MUC5B: variants seen among roughly 807,000 people sequenced by gnomAD.
MUC5B encodes mucin 5B, oligomeric mucus/gel-forming.
A neutral mutation model predicts 376.9 loss-of-function variants in MUC5B; 116 were observed. The ratio of observed to expected loss-of-function variants is 0.31; its 90% CI spans 0.26 to 0.36. The LOEUF (loss-of-function observed/expected upper bound fraction) is 0.36. MUC5B is among the 10% of genes least tolerant of loss of function. The probability of loss-of-function intolerance (pLI) is 1.00; values close to 1 mark genes in which losing one functional copy is unlikely to be tolerated. For missense variants in MUC5B, 7,165 were observed against 7,769.9 expected (o/e 0.92, Z 2.93); for synonymous variants, 3,517 against 3,390.9 (o/e 1.04, Z -1.29).
Position 1,232,689 on chromosome 11 carries a change from C to T in MUC5B, c.1984C>T (p.Leu662=), listed in dbSNP as rs1358506016. The T allele has an allele frequency of 6.3e-6, 10 of 1,599,726 alleles. No individual in the cohort carries two copies. The highest frequency in any genetic ancestry group is 8.5e-6 in the Non-Finnish European group (10 of 1,174,090). ...CAACTGTGAGCGGAGCGAGGACTGC[C>T]TGTGCGCCGCGCTGTCCTCCTATGT... ...TCNCERSEDC[L]CAALSSYVHA... is the part of the protein sequence containing the mutation. The change falls in exon 17 of 49, where the codon CTG becomes TTG. Residue 662 remains leucine (L), a synonymous_variant. Coordinates refer to ENST00000529681, the MANE Select transcript of MUC5B (RefSeq NM_002458.3).
intron 1 of MUC5B, among the ~76,000 whole-genome samples, chr11:1,223,828 G>A (rs1293111757): frequency 6.6e-6 from 1 of 152,242 alleles, no homozygotes; most frequent in African/African-American, 2.4e-5. Context: ...AATACTTACT[G>A]TCAATAGAGA....
At chr11:1,230,410 T>C (rs1040293940) in intron 11 of MUC5B, 80 bp from the exon 12 acceptor site, 41 of 1,343,728 alleles carry the variant, frequency 3.1e-5, no homozygotes, top group Non-Finnish European at 4.1e-5. Flanking sequence ...ATCCCCCACA[T>C]GGGCATCCCC....
At chr11:1,231,857 T>G in intron 14 of MUC5B, 139 bp from the exon 15 acceptor site, 1 of 1,242,592 alleles carries the variant, frequency 8.0e-7, no homozygotes, top group South Asian at 1.5e-5. Flanking sequence ...AGGGCTTATC[T>G]GCAGAGGGTT....
Position 1,247,588 on chromosome 11 carries a change from G to C in MUC5B, c.10708G>C (p.Gly3570Arg). 1 of 1,610,790 alleles carries C rather than the reference G, an allele frequency of 6.2e-7. No individual in the cohort carries two copies. Among genetic ancestry groups the C allele is most frequent in the South Asian group, 1.1e-5 (1 of 90,938 alleles). Residue 3570 changes from glycine to arginine, a missense_variant, in exon 31 of 49, where the codon GGC becomes CGC. Coordinates refer to ENST00000529681, the MANE Select transcript of MUC5B (RefSeq NM_002458.3). Reference protein sequence around the residue: ...SAPITTVVTTGCEPQCAWSEW... With the variant: ...SAPITTVVTTRCEPQCAWSEW... ...CCCCATAACCACGGTGGTGACCACG[G>C]GCTGTGAGCCCCAGTGTGCCTGGTC...
At position 1,242,770 on chromosome 11, in the gene MUC5B, G is replaced by C; in HGVS notation, c.5890G>C (p.Ala1964Pro). Residue 1964 changes from alanine (A) to proline (P), a missense_variant, in exon 31 of 49, where the codon GCC (alanine) becomes CCC (proline). By Grantham distance (27) the Ala-to-Pro change is conservative. Transcript: ENST00000529681. Reference protein sequence around the residue: ...TPSSSPGTATALPALRSTATT... With the variant: ...TPSSSPGTATPLPALRSTATT... ...CTCCTCCAGTCCAGGGACTGCAACC[G>C]CCCTTCCAGCACTGAGAAGCACAGC... 6.2e-7 allele frequency: 1 copy of C among 1,603,998 alleles called. No homozygotes were observed. The highest frequency in any genetic ancestry group is 1.1e-5 in the South Asian group (1 of 90,608).
rs555321501 is a variant in MUC5B, at chr11:1,249,590, C to T, written c.12710C>T (p.Thr4237Met). 64 of 1,612,014 alleles carry T rather than the reference C, an allele frequency of 4.0e-5. 2 individuals are homozygous for T. Among genetic ancestry groups the T allele is most frequent in the Middle Eastern group, 3.3e-4 (2 of 6,052 alleles). Residue 4237 changes from threonine (T) to methionine (M), a missense_variant, in exon 31 of 49, where the codon ACG becomes ATG. Physicochemically the swap from Thr to Met is moderately conservative, Grantham distance 81. Transcript: ENST00000529681. ...HCPSTPATSS[T>M]AMPSSTPGTT... ...CCCAGCACCCCGGCCACCAGCTCTA[C>T]GGCCATGCCCTCCTCCACTCCGGGG...
chr11:1,229,420 G>C, intron 9 of MUC5B, 125 bp downstream of exon 9: 2 of 1,201,584 alleles, frequency 1.7e-6, no homozygotes, highest in Non-Finnish European at 2.3e-6. Flanking sequence ...GAGGGCCCAG[G>C]GTGGGAAGGG....
At chr11:1,231,273 G>A (rs1001313535) in intron 13 of MUC5B, 150 bp from the exon 14 acceptor site, 1 of 1,023,404 alleles carries the variant, frequency 9.8e-7, no homozygotes, top group African/African-American at 1.6e-5. Flanking sequence ...CCACAGGCAT[G>A]GGACAGGGAG....
chr11:1,258,949 C>T lies in MUC5B; in HGVS notation c.16601C>T (p.Ala5534Val), dbSNP rs1251841709. 6.4e-7 allele frequency: 1 copy of T among 1,551,260 alleles called. No individual in the cohort carries two copies. Among genetic ancestry groups the T allele is most frequent in the Non-Finnish European group, 8.7e-7 (1 of 1,147,648 alleles). The change falls in exon 44 of 49, where the codon GCA (alanine) becomes GTA (valine). Residue 5534 changes from alanine to valine, a missense_variant. Around this residue, in one of 31 missense-constraint regions of MUC5B, gnomAD observed 842 missense variants for 1,016.9 expected, o/e 0.83. Transcript: ENST00000529681. The surrounding 1 kb of genome is among the most constrained non-coding windows in gnomAD (Gnocchi z 5.5). ...SYNGTFYGVG[A>V]TFPGALPCHM... Reference sequence around the variant, plus strand: ...CCCTCCCACCCCTTGCAGGTTGGTGCAACCTTCCCAGGCGCCCTTCCCTGC... The same window carrying T: ...CCCTCCCACCCCTTGCAGGTTGGTGTAACCTTCCCAGGCGCCCTTCCCTGC...
In MUC5B at chr11:1,229,328, G is replaced by T. The variant is rs772211075; in HGVS notation, c.1102+33G>T. The T allele has an allele frequency of 2.2e-5, 34 of 1,511,580 alleles. No homozygotes were observed. The African/African-American group carries it at 4.3e-4, about 19-fold the overall frequency. The allele number at this position is 1,511,580 out of a possible 1,614,324, so 93.6% of individuals were successfully genotyped here. A position where few individuals can be genotyped will look rare whatever the true frequency, so the allele number is the denominator to read the frequency against. The stretch of plus-strand genomic sequence containing the variant: ...TTGTGTGCCCTGAACCCCTCAGGGG[G>T]CTTTCAGGTCCCTGCTCCCAACCCC... On this transcript the variant is annotated intron_variant, in intron 9 of 48. Transcript: ENST00000529681.
chr11:1,245,637 C>G lies in MUC5B; in HGVS notation c.8757C>G (p.Ala2919=). ...AGCCCCTGGGCCTCGAGTGCCGTGC[C>G]CAGGCCCAGCCTGGTGTCCCCCTGC... ...CEQPLGLECR[A]QAQPGVPLRE... Residue 2919 remains alanine (A), a synonymous_variant, in exon 31 of 49, where the codon GCC becomes GCG. Coordinates refer to ENST00000529681, the MANE Select transcript of MUC5B (RefSeq NM_002458.3). 6.3e-7 allele frequency: 1 copy of G among 1,598,230 alleles called. No individual in the cohort carries two copies. Among genetic ancestry groups the G allele is most frequent in the Non-Finnish European group, 8.5e-7 (1 of 1,172,704 alleles).
At position 1,234,111 on chromosome 11, in the gene MUC5B, C is replaced by A; in HGVS notation, c.2378-94C>A. The A allele has an allele frequency of 9.2e-7, 1 of 1,089,174 alleles. No homozygotes were observed. The highest frequency in any genetic ancestry group is 1.4e-5 in the South Asian group (1 of 71,514). 67.5% of individuals were successfully genotyped at this position (1,089,174 alleles called of 1,614,324 possible). On this transcript the variant is annotated intron_variant, in intron 19 of 48. Coordinates refer to ENST00000529681, the MANE Select transcript of MUC5B (RefSeq NM_002458.3). This position sits in a 1 kb window ranked among gnomAD's most constrained non-coding sequence, Gnocchi z 6.3. Reference sequence around the variant, plus strand: ...GAAGCTTTGGCTCGGGGGCTGTTAACTTGATCAGCAGGACAGGCTCAGGGC... The same window carrying A: ...GAAGCTTTGGCTCGGGGGCTGTTAAATTGATCAGCAGGACAGGCTCAGGGC...
chr11:1,259,556 G>A, intron 44 of MUC5B, 200 bp from the exon 45 acceptor site: 2 of 606,564 alleles, frequency 3.3e-6, no homozygotes, highest in Non-Finnish European at 5.9e-6. Context: ...GAAGGCAGGG[G>A]TAGGCAGAGA....
In MUC5B at chr11:1,230,157, G is replaced by A. The variant is rs1446994592; in HGVS notation, c.1359+14G>A. 1.3e-6 allele frequency: 2 copies of A among 1,580,830 alleles called. No individual in the cohort carries two copies. The highest frequency in any genetic ancestry group is 1.4e-5 in the African/African-American group (1 of 73,892). On this transcript the variant is annotated intron_variant, in intron 11 of 48. Transcript: ENST00000529681. ...GTTCTGTCCAAGGTCTGGGCTTGGG[G>A]CCGGGTCTTCAGACACCCAGACCCT...
Position 1,251,191 on chromosome 11 carries a change from C to T in MUC5B, c.14311C>T (p.Pro4771Ser), listed in dbSNP as rs370138604. 7.3e-5 allele frequency: 117 copies of T among 1,611,332 alleles called. 2 individuals are homozygous for T. The highest frequency in any genetic ancestry group is 9.3e-5 in the Non-Finnish European group (109 of 1,178,266). The change falls in exon 31 of 49, where the codon CCC becomes TCC. Residue 4771 changes from proline to serine, a missense_variant. This residue lies in a region of MUC5B where 730 missense variants were observed against 592.7 expected (regional missense o/e 1.23). Transcript: ENST00000529681. ...GACCGTCCCAGCACAGACCACCACA[C>T]CCATGTCCACCATGTCCACAATCCA... is the stretch of plus-strand genomic sequence containing the variant. ...TWTVPAQTTT[P>S]MSTMSTIHTS... is the part of the protein sequence containing the mutation.
intron 13 of MUC5B, 29 bp downstream of exon 13, chr11:1,231,034 T>C (rs997276777): frequency 4.5e-6 from 7 of 1,556,366 alleles, no homozygotes; most frequent in Non-Finnish European, 5.2e-6. Flanking sequence ...ACGGCCGGGC[T>C]GGGTGGCGCC....
At position 1,246,322 on chromosome 11, in the gene MUC5B, A is replaced by G. The variant is rs1216556091; in HGVS notation, c.9442A>G (p.Thr3148Ala). The stretch of plus-strand genomic sequence containing the variant: ...CACAGCAGCCACTACAACTGCAGCC[A>G]CTGGCCCCACGGCCACCCCGTCCTC... ...LTTAATTTAA[T>A]GPTATPSSTP... The change falls in exon 31 of 49, where the codon ACT becomes GCT. Residue 3148 changes from threonine to alanine, a missense_variant. Physicochemically the swap from Thr to Ala is moderately conservative, Grantham distance 58 (BLOSUM62 0). Transcript: ENST00000529681. 4.4e-6 allele frequency: 7 copies of G among 1,601,778 alleles called. No individual in the cohort carries two copies. The highest frequency in any genetic ancestry group is 1.3e-5 in the African/African-American group (1 of 74,612).
At position 1,240,866 on chromosome 11, in the gene MUC5B, T is replaced by G; in HGVS notation, c.3986T>G (p.Val1329Gly). The change falls in exon 31 of 49, where the codon GTC becomes GGC. Residue 1329 changes from valine (V) to glycine (G), a missense_variant. Physicochemically the swap from Val to Gly is moderately radical, Grantham distance 109 (BLOSUM62 -3). Coordinates refer to ENST00000529681, the MANE Select transcript of MUC5B (RefSeq NM_002458.3). Reference sequence around the variant, plus strand: ...CCCCTTGCAGGCCCGGCCCTCCCGGTCTCCACCGTGTGTGTCCGCGAGGTC... The same window carrying G: ...CCCCTTGCAGGCCCGGCCCTCCCGGGCTCCACCGTGTGTGTCCGCGAGGTC... ...PHSTTSPALPVSTVCVREVCR... is the reference protein window; with the variant it reads ...PHSTTSPALPGSTVCVREVCR... 1 of 1,609,936 alleles carries G rather than the reference T, an allele frequency of 6.2e-7. No homozygotes were observed. Among genetic ancestry groups the G allele is most frequent in the Non-Finnish European group, 8.5e-7 (1 of 1,178,854 alleles).
chr11:1,227,480 G>A, intron 6 of MUC5B, 82 bp downstream of exon 6: 1 of 1,128,802 alleles, frequency 8.9e-7, no homozygotes, highest in South Asian at 1.3e-5. Context: ...CCGGGAGGGG[G>A]CGGAGTGGGG....
Sources: allele counts gnomAD v4.1 joint callset (sites outside exome capture counted in the v4.1 genomes callset), GRCh38; gene constraint gnomAD v4.1.1; regional missense constraint gnomAD v4.1.1; non-coding constraint Gnocchi (gnomAD v3.1); transcripts MANE v1.5; gene names NCBI Gene and HGNC (gene_info 2026-07-23, HGNC 2026-07-21).